Variants in KIRREL1 observed in about 807,000 individuals in gnomAD.
KIRREL1 encodes kirre like nephrin family adhesion molecule 1, also known as kin of IRRE-like protein 1.
In KIRREL1, 25 loss-of-function variants were observed where a neutral mutation model predicts 83.3. The ratio of observed to expected loss-of-function variants is 0.30; its 90% CI spans 0.22 to 0.42. The LOEUF (loss-of-function observed/expected upper bound fraction) is 0.42. Ranked by LOEUF, KIRREL1 falls within the 10% of genes least tolerant of loss-of-function variation. KIRREL1 has a pLI of 1.00. For missense variants in KIRREL1, 812 were observed against 1,032.3 expected, an observed-to-expected ratio of 0.79 and a Z score of 2.92; for synonymous variants, 388 against 410.4, an observed-to-expected ratio of 0.95 and a Z score of 0.66.
At chr1:158,003,493 G>A (rs1328920111) in intron 1 of KIRREL1, among the ~76,000 whole-genome samples, 8 of 152,136 alleles carry the variant, frequency 5.3e-5, no homozygotes, top group Admixed American at 4.6e-4. Flanking sequence ...CACTCTCCCT[G>A]GAAATCTACC....
chr1:158,000,939 A>G (rs896349983), intron 1 of KIRREL1, among the ~76,000 whole-genome samples: 11 of 152,096 alleles, frequency 7.2e-5, no homozygotes, highest in Non-Finnish European at 1.3e-4. Flanking sequence ...TCCTTTTGCA[A>G]TCTGGCTCTG....
In KIRREL1 at chr1:158,098,719, G is replaced by A. The variant is rs1324436698; in HGVS notation, c.*3599G>A. ...TAAGTGAGAAAGGAAAGGGGCCAGG[G>A]ATGGGAGCAGTGCTGTGCTGTTATC... On this transcript the variant is annotated 3_prime_UTR_variant, in exon 15 of 15. Transcript: ENST00000359209. The A allele has an allele frequency of 1.3e-5, 2 of 152,274 alleles. No individual in the cohort carries two copies. Among genetic ancestry groups the A allele is most frequent in the East Asian group, 3.8e-4 (2 of 5,196 alleles). The allele number at this position is 152,274 out of a possible 1,614,324, so 9.4% of individuals were successfully genotyped here. A position where few individuals can be genotyped will look rare whatever the true frequency, so the allele number is the denominator to read the frequency against.
At chr1:158,020,664 C>T (rs1659980804) in intron 1 of KIRREL1, among the ~76,000 whole-genome samples, 1 of 141,580 alleles carries the variant, frequency 7.1e-6, no homozygotes, top group African/African-American at 2.6e-5. Context: ...GTGGATTATC[C>T]ACTTGGTAGA....
chr1:158,090,361 C>A (rs571403267), intron 10 of KIRREL1, among the ~76,000 whole-genome samples: 1 of 152,246 alleles, frequency 6.6e-6, no homozygotes, highest in East Asian at 1.9e-4. Flanking sequence ...CCTTGCCTTG[C>A]CACTCTCCTC....
In KIRREL1 at chr1:158,094,741, G is replaced by A. The variant is rs748532476; in HGVS notation, c.1895G>A (p.Arg632His). 15 of 1,613,414 alleles carry A rather than the reference G, an allele frequency of 9.3e-6. No homozygotes were observed. The highest frequency in any genetic ancestry group is 3.3e-5 in the South Asian group (3 of 91,060). Residue 632 changes from arginine (R) to histidine (H), a missense_variant, in exon 15 of 15, where the codon CGC becomes CAC. Transcript: ENST00000359209. This position sits in a 1 kb window ranked among gnomAD's most constrained non-coding sequence, Gnocchi z 4.6. ...GACTACCGTGCCCCTGGCCCTGCCC[G>A]CTTCGACGGCCGCCCCTCATCCCGT... ...YADYRAPGPARFDGRPSSRLS... is the reference protein window; with the variant it reads ...YADYRAPGPAHFDGRPSSRLS...
intron 1 of KIRREL1, among the ~76,000 whole-genome samples, chr1:158,036,113 G>T (rs1041696227): frequency 5.3e-5 from 8 of 152,290 alleles, no homozygotes; most frequent in African/African-American, 1.9e-4. Context: ...TAGTTTGTTT[G>T]TGTTTTGATA....
At chr1:158,040,290 G>A (rs192862418) in intron 1 of KIRREL1, among the ~76,000 whole-genome samples, 48 of 152,322 alleles carry the variant, frequency 3.2e-4, no homozygotes, top group African/African-American at 1.1e-3. Flanking sequence ...TCTAACTGGG[G>A]AAAGAGACAT....
chr1:158,030,395 C>T (rs147176175), intron 1 of KIRREL1, among the ~76,000 whole-genome samples: 10 of 152,316 alleles, frequency 6.6e-5, no homozygotes, highest in African/African-American at 2.2e-4. Context: ...CATCCCAATA[C>T]CTTTATATCA....
rs1335829295 is a variant in KIRREL1 at position 158,094,258 on chromosome 1, G to C, written c.1720-55G>C. ...CTGAGCGTGGGGAGGGGTTGGTGAG[G>C]GGCGAAAAGAGCAGGGCTTCCGTCT... On this transcript the variant is annotated intron_variant, in intron 13 of 14. Transcript: ENST00000359209. This position sits in a 1 kb window ranked among gnomAD's most constrained non-coding sequence, Gnocchi z 4.6. The C allele has an allele frequency of 6.7e-7, 1 of 1,495,914 alleles. No individual in the cohort carries two copies. The highest frequency in any genetic ancestry group is 9.2e-7 in the Non-Finnish European group (1 of 1,092,240). The allele number at this position is 1,495,914 out of a possible 1,614,324, so 92.7% of individuals were successfully genotyped here.
At position 158,088,016 on chromosome 1, in the gene KIRREL1, G is replaced by A. The variant is rs1662068015; in HGVS notation, c.778G>A (p.Gly260Arg). 3 of 1,614,096 alleles carry A rather than the reference G, an allele frequency of 1.9e-6. No homozygotes were observed. Among genetic ancestry groups the A allele is most frequent in the Non-Finnish European group, 2.5e-6 (3 of 1,180,036 alleles). Reference protein sequence around the residue: ...PEILGYRWAKGGFLIEDAHES... With the variant: ...PEILGYRWAKRGFLIEDAHES... The stretch of plus-strand genomic sequence containing the variant: ...TGCCTCCTCCCCTAGGTGGGCCAAA[G>A]GGGGTTTCTTGATTGAAGACGCCCA... The change falls in exon 7 of 15, where the codon GGG becomes AGG. Residue 260 changes from glycine (G) to arginine (R), a missense_variant. By Grantham distance (125) the Gly-to-Arg change is moderately radical. Transcript: ENST00000359209.
chr1:158,018,144 T>C (rs1335726384), intron 1 of KIRREL1, among the ~76,000 whole-genome samples: 1 of 152,038 alleles, frequency 6.6e-6, no homozygotes, highest in Non-Finnish European at 1.5e-5. Context: ...GCTGGTGGAA[T>C]ATGCTGAGAG....
chr1:158,093,687 T>TA lies in KIRREL1; in HGVS notation c.1645dup (p.Thr549AsnfsTer5), dbSNP rs1325260956. 6.2e-7 allele frequency: 1 copy of TA among 1,614,038 alleles called. No homozygotes were observed. The highest frequency in any genetic ancestry group is 1.3e-5 in the African/African-American group (1 of 74,924). ...TGGAGACAGTGAACCGAGAGCCACT[T>TA]ACGATGCATTCTGACCGGGAGGATG... On this transcript the variant is annotated frameshift_variant, in exon 13 of 15. Transcript: ENST00000359209. LOFTEE classifies it high-confidence loss of function.
chr1:158,057,729 G>T (rs1221335872), intron 1 of KIRREL1, among the ~76,000 whole-genome samples: 2 of 152,158 alleles, frequency 1.3e-5, no homozygotes, highest in Non-Finnish European at 2.9e-5. Flanking sequence ...GCAGCAGTTG[G>T]TCCCCTGAAA....
chr1:158,039,146 A>C (rs1570939282), intron 1 of KIRREL1, among the ~76,000 whole-genome samples: 1 of 152,134 alleles, frequency 6.6e-6, no homozygotes, highest in Non-Finnish European at 1.5e-5. Context: ...CCATTTCAGC[A>C]CCACCCCTTC....
chr1:158,084,471 G>A lies in KIRREL1; in HGVS notation c.402G>A (p.Gln134=). ...ACGGAGGCCCTGTGATTCTACTGCA[G>A]GCAGGCACCCCCCACAACCTCACAT... ...RIDGGPVILL[Q]AGTPHNLTCR... The change falls in exon 4 of 15, where the codon CAG becomes CAA. Residue 134 remains glutamine (Q), a synonymous_variant. Transcript: ENST00000359209. 6.4e-7 allele frequency: 1 copy of A among 1,551,816 alleles called. No homozygotes were observed. Among genetic ancestry groups the A allele is most frequent in the African/African-American group, 1.4e-5 (1 of 73,178 alleles).
chr1:158,031,044 C>T (rs1660307031), intron 1 of KIRREL1: 1 of 152,112 alleles, frequency 6.6e-6, no homozygotes, highest in African/African-American at 2.4e-5. Flanking sequence ...GGGAAAGAGT[C>T]CCCTCCTCTC....
chr1:158,090,685 C>T lies in KIRREL1; in HGVS notation c.1273-673C>T, dbSNP rs114193325. Among the ~76,000 whole-genome samples the T allele has an allele frequency of 6.6e-3, 1,006 of 152,258 alleles. 9 individuals carry two copies. The highest frequency in any genetic ancestry group is 0.023 in the African/African-American group (971 of 41,550). The stretch of plus-strand genomic sequence containing the variant: ...GGGATGGAGGGGTCCAGGAATACCC[C>T]GTTGTGGGTTCTGCCTATTATAAGT... On this transcript the variant is annotated intron_variant, in intron 10 of 14. Transcript: ENST00000359209.
intron 1 of KIRREL1, among the ~76,000 whole-genome samples, chr1:158,049,197 C>G (rs1409720084): frequency 6.6e-6 from 1 of 152,180 alleles, no homozygotes; most frequent in Non-Finnish European, 1.5e-5. Context: ...AGCCAGACAT[C>G]CTTGGTCAGT....
intron 1 of KIRREL1, among the ~76,000 whole-genome samples, chr1:158,036,074 A>C (rs1660467407): frequency 6.6e-6 from 1 of 152,190 alleles, no homozygotes; most frequent in South Asian, 2.1e-4. Context: ...GTCAAAACCC[A>C]GGGATACTGG....
Sources: gnomAD v4.1 joint callset for allele counts (sites outside exome capture counted in the v4.1 genomes callset) on GRCh38, gnomAD v4.1.1 for gene constraint, Gnocchi (gnomAD v3.1) non-coding constraint, MANE v1.5 for transcripts, NCBI Gene and HGNC (gene_info 2026-07-23, HGNC 2026-07-21) for gene names.